FGF16: variants seen among roughly 807,000 people sequenced by gnomAD.
FGF16 encodes fibroblast growth factor 16, also known as metacarpal 4-5 fusion.
FGF16 carries 2 observed loss-of-function variants against 8.5 expected under a neutral mutation model. The ratio of observed to expected loss-of-function variants is 0.24; its 90% CI spans 0.10 to 0.75. The LOEUF (loss-of-function observed/expected upper bound fraction) is 0.75. Ranked by LOEUF, FGF16 falls within the 30% of genes least tolerant of loss-of-function variation. The pLI, the probability that FGF16 is intolerant of heterozygous loss-of-function variation, is 0.74. For synonymous variants in FGF16, 33 were observed against 34.6 expected (o/e 0.95, Z 0.16); for missense variants, 79 against 87.4 (o/e 0.90, Z 0.38).
intron 1 of FGF16, among the ~76,000 whole-genome samples, chrX:77,448,299 C>T (rs1183136509): frequency 1.8e-5 from 2 of 112,644 alleles, no homozygotes; most frequent in African/African-American, 6.4e-5. Flanking sequence ...AGGCCGGGAC[C>T]GTGGCTGCAG....
chrX:77,452,118 G>A (rs2062558794), intron 1 of FGF16, among the ~76,000 whole-genome samples: 1 of 111,958 alleles, frequency 8.9e-6, no homozygotes, highest in Admixed American at 9.5e-5. Context: ...AAATTTGGGA[G>A]ACCAAAGTGC....
intron 1 of FGF16, 127 bp from the exon 2 acceptor site, chrX:77,454,030 G>T: frequency 2.0e-6 from 1 of 501,869 alleles, no homozygotes; most frequent in Admixed American, 3.7e-5. Flanking sequence ...GTTTCATCAG[G>T]CATTTTATCA....
In FGF16 at chrX:77,457,089, A is replaced by G. The variant is rs1557027195; in HGVS notation, c.*567A>G. Reference sequence around the variant, plus strand: ...AATGTAAGCATGGATACTGTGCATAAGGACAAACTATTTATAAAATGTATA... The same window carrying G: ...AATGTAAGCATGGATACTGTGCATAGGGACAAACTATTTATAAAATGTATA... On this transcript the variant is annotated 3_prime_UTR_variant, in exon 3 of 3. Transcript: ENST00000439435. 1 of 112,011 alleles carries G rather than the reference A, an allele frequency of 8.9e-6. No individual in the cohort carries two copies. The highest frequency in any genetic ancestry group is 3.2e-5 in the African/African-American group (1 of 30,856). The allele number at this position is 112,011 out of a possible 1,213,427, so 9.2% of individuals were successfully genotyped here. A position where few individuals can be genotyped will look rare whatever the true frequency, so the allele number is the denominator to read the frequency against.
In FGF16 at chrX:77,447,630, G is replaced by C. The variant is rs940200063; in HGVS notation, c.-45G>C. The C allele has an allele frequency of 2.0e-5, 6 of 295,688 alleles. No homozygotes were observed. Among genetic ancestry groups the C allele is most frequent in the Admixed American group, 6.1e-5 (1 of 16,393 alleles). 24.4% of individuals were successfully genotyped at this position (295,688 alleles called of 1,213,427 possible). A position where few individuals can be genotyped will look rare whatever the true frequency, so the allele number is the denominator to read the frequency against. ...AGTTCGCGCCCCGTGGCCCCGGCTC[G>C]GCCCGCGCGCGCCCAGCACAACCAG... is the stretch of plus-strand genomic sequence containing the variant. On this transcript the variant is annotated 5_prime_UTR_variant, in exon 1 of 3. Transcript: ENST00000439435.
intron 1 of FGF16, among the ~76,000 whole-genome samples, chrX:77,452,326 G>A (rs181707281): frequency 2.0e-3 from 224 of 112,642 alleles, no homozygotes; most frequent in East Asian, 0.018. Context: ...AATGCAAAAC[G>A]TTGTGCAGTG....
intron 1 of FGF16, 129 bp downstream of exon 1, chrX:77,448,077 C>T: frequency 3.4e-6 from 1 of 297,179 alleles, no homozygotes; most frequent in East Asian, 4.8e-5. Context: ...CGAGGCGAGA[C>T]ACGACGGCGC....
intron 1 of FGF16, among the ~76,000 whole-genome samples, chrX:77,448,681 T>G (rs2062548271): frequency 9.0e-6 from 1 of 111,681 alleles, no homozygotes; most frequent in South Asian, 3.8e-4. Context: ...ACGTTCAACC[T>G]CCATCCAGGA....
intron 2 of FGF16, 146 bp from the exon 3 acceptor site, chrX:77,456,131 A>T (rs1041092789): frequency 5.8e-6 from 3 of 518,687 alleles, no homozygotes; most frequent in African/African-American, 4.7e-5. Flanking sequence ...TATTTGGAAG[A>T]AAGTTACCTC....
intron 1 of FGF16, among the ~76,000 whole-genome samples, chrX:77,448,469 C>T (rs2062547727): frequency 1.8e-5 from 2 of 112,656 alleles, no homozygotes; most frequent in Non-Finnish European, 3.8e-5. Context: ...TGGGGTCGCT[C>T]TGTCCAGGGT....
intron 1 of FGF16, among the ~76,000 whole-genome samples, chrX:77,449,876 G>A (rs1313127113): frequency 2.7e-5 from 3 of 112,005 alleles, no homozygotes; most frequent in African/African-American, 6.5e-5. Context: ...AACAACACTG[G>A]CTAAGAGCAC....
At chrX:77,455,705 T>C (rs1459225162) in intron 2 of FGF16, among the ~76,000 whole-genome samples, 1 of 111,240 alleles carries the variant, frequency 9.0e-6, no homozygotes, top group Admixed American at 9.6e-5. Context: ...TTGGATCAAG[T>C]GTGAGAAGGG....
In FGF16 at chrX:77,447,583, C is replaced by T. The variant is rs1362875668; in HGVS notation, c.-92C>T. On this transcript the variant is annotated 5_prime_UTR_variant, in exon 1 of 3. Coordinates refer to ENST00000439435, the MANE Select transcript of FGF16 (RefSeq NM_003868.3). The stretch of plus-strand genomic sequence containing the variant: ...AGCGAGGGAGCGCCGCCGAACCGCC[C>T]GCGCCCGCTGCGGGGAGAGGCAGTT... 6.9e-6 allele frequency: 2 copies of T among 290,067 alleles called. No individual in the cohort carries two copies. Among genetic ancestry groups the T allele is most frequent in the African/African-American group, 5.5e-5 (2 of 36,316 alleles). The allele number at this position is 290,067 out of a possible 1,213,427, so 23.9% of individuals were successfully genotyped here.
Position 77,447,579 on chromosome X carries a change from C to T in FGF16, c.-96C>T. On this transcript the variant is annotated 5_prime_UTR_variant, in exon 1 of 3. Transcript: ENST00000439435. ...AGCTAGCGAGGGAGCGCCGCCGAAC[C>T]GCCCGCGCCCGCTGCGGGGAGAGGC... The T allele has an allele frequency of 3.4e-6, 1 of 290,589 alleles. No homozygotes were observed. Among genetic ancestry groups the T allele is most frequent in the Non-Finnish European group, 6.0e-6 (1 of 165,683 alleles). The allele number at this position is 290,589 out of a possible 1,213,427, so 23.9% of individuals were successfully genotyped here. A position where few individuals can be genotyped will look rare whatever the true frequency, so the allele number is the denominator to read the frequency against.
At chrX:77,454,957 A>G (rs966257393) in intron 2 of FGF16, among the ~76,000 whole-genome samples, 1 of 108,080 alleles carries the variant, frequency 9.3e-6, no homozygotes, top group Non-Finnish European at 1.9e-5. Context: ...CCACCATGCC[A>G]GGCTAATTTT....
chrX:77,456,160 G>A (rs2062571220), intron 2 of FGF16, 117 bp from the exon 3 acceptor site: 1 of 655,385 alleles, frequency 1.5e-6, no homozygotes, highest in African/African-American at 2.2e-5. Flanking sequence ...CAGAGAGATA[G>A]GACTGGAATT....
At chrX:77,453,053 GGGTGCCAAAGT>G (rs1345269391) in intron 1 of FGF16, among the ~76,000 whole-genome samples, 5 of 111,393 alleles carry the variant, frequency 4.5e-5, no homozygotes, top group African/African-American at 1.6e-4. Flanking sequence ...ACTCCAACCT[GGGTGCCAAAGT>G]GAGATCCTGT....
chrX:77,452,237 G>A (rs782085280), intron 1 of FGF16, among the ~76,000 whole-genome samples: 5 of 112,346 alleles, frequency 4.5e-5, no homozygotes, highest in Non-Finnish European at 5.6e-5. Flanking sequence ...TCAGCTGTAC[G>A]TCTTCTAGAA....
Position 77,456,766 on chromosome X carries a change from T to C in FGF16, c.*244T>C. 1 of 295,401 alleles carries C rather than the reference T, an allele frequency of 3.4e-6. No individual in the cohort carries two copies. Among genetic ancestry groups the C allele is most frequent in the African/African-American group, 2.6e-5 (1 of 37,876 alleles). The allele number at this position is 295,401 out of a possible 1,213,427, so 24.3% of individuals were successfully genotyped here. The stretch of plus-strand genomic sequence containing the variant: ...TTGTATATACTTTTTTCTTTACTCA[T>C]GTTCCTTCCCCTGAGGTAGCATAAC... On this transcript the variant is annotated 3_prime_UTR_variant, in exon 3 of 3. Coordinates refer to ENST00000439435, the MANE Select transcript of FGF16 (RefSeq NM_003868.3).
intron 2 of FGF16, among the ~76,000 whole-genome samples, chrX:77,454,766 T>C (rs1467619810): frequency 9.7e-6 from 1 of 103,441 alleles, no homozygotes; most frequent in Non-Finnish European, 2.0e-5. Flanking sequence ...ACACCTTCAC[T>C]CATTTGGCCC....
Sources: gnomAD v4.1 joint callset for allele counts (sites outside exome capture counted in the v4.1 genomes callset) on GRCh38, gnomAD v4.1.1 for gene constraint, MANE v1.5 for transcripts, NCBI Gene and HGNC (gene_info 2026-07-23, HGNC 2026-07-21) for gene names.